The following DSN1 variants were observed in gnomAD, a reference collection of about 807,000 sequenced individuals.
DSN1 encodes DSN1 component of MIS12 kinetochore complex.
Under a neutral mutation model 45.7 loss-of-function variants are expected in DSN1, and 31 were observed. The observed-to-expected ratio is 0.68, with a 90% CI of 0.51 to 0.92. DSN1 has a LOEUF of 0.92. Ranked by LOEUF, DSN1 falls within the 40% of genes least tolerant of loss-of-function variation. DSN1 has a pLI of 0.00. For synonymous variants in DSN1, 134 were observed against 142.3 expected, an observed-to-expected ratio of 0.94 and a Z score of 0.41; for missense variants, 394 against 414.2, an observed-to-expected ratio of 0.95 and a Z score of 0.42.
At chr20:36,756,758 T>G (rs555039815) in intron 8 of DSN1, among the ~76,000 whole-genome samples, 30 of 151,744 alleles carry the variant, frequency 2.0e-4, no homozygotes, top group African/African-American at 7.3e-4. Flanking sequence ...GAACAGACAG[T>G]CTGCTTCCAG....
chr20:36,754,285 T>C (rs1410218607), intron 10 of DSN1, among the ~76,000 whole-genome samples: 1 of 151,974 alleles, frequency 6.6e-6, no homozygotes, highest in East Asian at 1.9e-4. Context: ...CAGTGAGCTG[T>C]GCAGTCATTG....
chr20:36,752,682 A>C lies in DSN1; in HGVS notation c.*106T>G, dbSNP rs1986436891. The C allele has an allele frequency of 1.1e-6, 1 of 871,010 alleles. No homozygotes were observed. The highest frequency in any genetic ancestry group is 1.9e-6 in the Non-Finnish European group (1 of 527,180). The allele number at this position is 871,010 out of a possible 1,614,324, so 54.0% of individuals were successfully genotyped here. ...AAAGTGTTCTACAGTCAGTCCTGCC[A>C]GTTATCTTCAAAGGCAACGAGCAGA... On this transcript the variant is annotated 3_prime_UTR_variant, in exon 11 of 11. Transcript: ENST00000373750.
chr20:36,753,661 A>AAAGAAAG (rs951536763), intron 10 of DSN1, among the ~76,000 whole-genome samples: 2 of 148,206 alleles, frequency 1.3e-5, no homozygotes, highest in Non-Finnish European at 1.5e-5. Flanking sequence ...AAAGAAAAAG[A>AAAGAAAG]AAGAAAGAAA....
At chr20:36,758,231 A>G in intron 7 of DSN1, 70 bp from the exon 8 acceptor site, 1 of 1,387,114 alleles carries the variant, frequency 7.2e-7, no homozygotes, top group Non-Finnish European at 1.0e-6. Flanking sequence ...CAGTAACAAT[A>G]AGTATGTGAG....
chr20:36,753,368 C>T (rs968389245), intron 10 of DSN1, among the ~76,000 whole-genome samples: 2 of 150,508 alleles, frequency 1.3e-5, no homozygotes, highest in South Asian at 4.2e-4. Context: ...GTGGCTCATG[C>T]CTGTAATCCC....
Position 36,770,368 on chromosome 20 carries a change from C to T in DSN1, c.355+505G>A, listed in dbSNP as rs1419557138. 3.3e-5 allele frequency among the ~76,000 whole-genome samples: 5 copies of T among 152,248 alleles called. No individual in the cohort carries two copies. In the East Asian group the frequency reaches 9.6e-4, roughly 29 times the overall value. On this transcript the variant is annotated intron_variant, in intron 3 of 10. Coordinates refer to ENST00000373750, the MANE Select transcript of DSN1 (RefSeq NM_001145315.2). ...CATGAGGCACCGTGCCTGGCCCACT[C>T]TAGATATTTGTATGTGCATCTTCCC...
At chr20:36,770,810 T>C in intron 3 of DSN1, 63 bp downstream of exon 3, 1 of 1,520,716 alleles carries the variant, frequency 6.6e-7, no homozygotes, top group Non-Finnish European at 8.8e-7. Flanking sequence ...GCCTCTTATC[T>C]GAGCTGGAAC....
intron 5 of DSN1, among the ~76,000 whole-genome samples, chr20:36,764,564 T>G (rs1987209300): frequency 6.6e-6 from 1 of 152,180 alleles, no homozygotes; most frequent in Admixed American, 6.6e-5. Flanking sequence ...ACTAGCTAAC[T>G]GCCTCGTAAT....
intron 8 of DSN1, among the ~76,000 whole-genome samples, chr20:36,756,990 T>G (rs908948151): frequency 6.6e-6 from 1 of 152,180 alleles, no homozygotes; most frequent in Non-Finnish European, 1.5e-5. Context: ...CATTTTGTAG[T>G]TGGGATTCTA....
chr20:36,753,941 G>C lies in DSN1; in HGVS notation c.961+822C>G, dbSNP rs1384417260. ...GAATCCCTTGAACCCGGGAAGCAGAGGTTGCAGTGAGCCGAGATCGCACCA... is the reference window on the plus strand; with the variant it reads ...GAATCCCTTGAACCCGGGAAGCAGACGTTGCAGTGAGCCGAGATCGCACCA... On this transcript the variant is annotated intron_variant, in intron 10 of 10. Coordinates refer to ENST00000373750, the MANE Select transcript of DSN1 (RefSeq NM_001145315.2). Among the ~76,000 whole-genome samples the C allele has an allele frequency of 3.9e-5, 6 of 152,070 alleles. No homozygotes were observed. In the South Asian group the frequency reaches 1.2e-3, roughly 32 times the overall value.
At chr20:36,767,084 T>A (rs1987381263) in intron 4 of DSN1, among the ~76,000 whole-genome samples, 1 of 151,166 alleles carries the variant, frequency 6.6e-6, no homozygotes, top group Non-Finnish European at 1.5e-5. Flanking sequence ...GACAGGCGGA[T>A]AATAAGGTCA....
At position 36,771,158 on chromosome 20, in the gene DSN1, G is replaced by A; in HGVS notation, c.70C>T (p.Gln24Ter). The A allele has an allele frequency of 6.2e-7, 1 of 1,613,542 alleles. No individual in the cohort carries two copies. The change falls in exon 3 of 11, where the codon CAA becomes TAA. Residue 24 changes from glutamine (Q) to a stop codon, truncating the protein, a stop_gained. Transcript: ENST00000373750. LOFTEE classifies it high-confidence loss of function. ...ACAGGACTGAGACTTGATTCCAATT[G>A]ATGATCATGAGTCTTAGACATCACT... ...GPVMSKTHDH[Q>*]LESSLSPVEV...
rs1022926901 is a variant in DSN1, at chr20:36,766,932, A to C, written c.430-91T>G. The C allele has an allele frequency of 3.8e-5, 31 of 819,440 alleles. No individual in the cohort carries two copies. The African/African-American group carries it at 4.6e-4, about 12-fold the overall frequency. The allele number at this position is 819,440 out of a possible 1,614,324, so 50.8% of individuals were successfully genotyped here. ...CATTTTATGATGTTTAATAAATATG[A>C]AACTAAATACTAAATATGATGTAAT... is the stretch of plus-strand genomic sequence containing the variant. On this transcript the variant is annotated intron_variant, in intron 4 of 10. Transcript: ENST00000373750.
At chr20:36,754,893 T>C (rs1986592442) in intron 9 of DSN1, 43 bp from the exon 10 acceptor site, 5 of 1,552,976 alleles carry the variant, frequency 3.2e-6, no homozygotes, top group Non-Finnish European at 4.4e-6. Context: ...GTCCATGGCT[T>C]CTTGGATGTT....
rs1240467314 is a variant in DSN1, at chr20:36,755,827, C to T, written c.728G>A (p.Gly243Glu). ...QQEAKEILSR[G>E]STEAKITEVK... ...CTCAGTAATTTTGGCCTCAGTTGAT[C>T]CTCTAAAAACAAAACACAAGAGCTT... Residue 243 changes from glycine to glutamate, a missense_variant and splice_region_variant, in exon 9 of 11, where the codon GGA becomes GAA. Gly to Glu is a moderately conservative substitution (Grantham distance 98). Coordinates refer to ENST00000373750, the MANE Select transcript of DSN1 (RefSeq NM_001145315.2). 1 of 1,604,484 alleles carries T rather than the reference C, an allele frequency of 6.2e-7. No individual in the cohort carries two copies. Among genetic ancestry groups the T allele is most frequent in the East Asian group, 2.2e-5 (1 of 44,840 alleles).
chr20:36,752,702 A>G lies in DSN1; in HGVS notation c.*86T>C. The G allele has an allele frequency of 1.9e-6, 2 of 1,079,480 alleles. No individual in the cohort carries two copies. Among genetic ancestry groups the G allele is most frequent in the Non-Finnish European group, 2.8e-6 (2 of 706,540 alleles). The allele number at this position is 1,079,480 out of a possible 1,614,324, so 66.9% of individuals were successfully genotyped here. ...CTGCCAGTTATCTTCAAAGGCAACGAGCAGAAATCACGCAGTCACCACGTG... is the reference window on the plus strand; with the variant it reads ...CTGCCAGTTATCTTCAAAGGCAACGGGCAGAAATCACGCAGTCACCACGTG... On this transcript the variant is annotated 3_prime_UTR_variant, in exon 11 of 11. Transcript: ENST00000373750.
rs1987368422 is a variant in DSN1, at chr20:36,766,855, A to C, written c.430-14T>G. 6.3e-7 allele frequency: 1 copy of C among 1,578,562 alleles called. No individual in the cohort carries two copies. Among genetic ancestry groups the C allele is most frequent in the Non-Finnish European group, 8.6e-7 (1 of 1,165,716 alleles). ...CTGAATAGAGAACTAAATAAAGAAA[A>C]GCATTTTTAGTACAACCACCAAAAA... On this transcript the variant is annotated splice_polypyrimidine_tract_variant and intron_variant, in intron 4 of 10. Coordinates refer to ENST00000373750, the MANE Select transcript of DSN1 (RefSeq NM_001145315.2).
Position 36,754,849 on chromosome 20 carries a change from A to G in DSN1, c.875T>C (p.Met292Thr). ...TTTCACTGATCCTTGCAGTTCATCC[A>G]TCTGTAGAAAAAAGACAGCTGTGAG... ...SKVFDCMELV[M>T]DELQGSVKQL... The change falls in exon 10 of 11, where the codon ATG (methionine) becomes ACG (threonine). Residue 292 changes from methionine to threonine, a missense_variant and splice_region_variant. Transcript: ENST00000373750. 3 of 1,613,710 alleles carry G rather than the reference A, an allele frequency of 1.9e-6. No homozygotes were observed. Among genetic ancestry groups the G allele is most frequent in the Non-Finnish European group, 2.5e-6 (3 of 1,179,754 alleles).
chr20:36,767,583 T>G (rs1180731055), intron 4 of DSN1, among the ~76,000 whole-genome samples: 1 of 151,588 alleles, frequency 6.6e-6, no homozygotes, highest in Non-Finnish European at 1.5e-5. Flanking sequence ...CTGGGCAACA[T>G]GGTGAAACCC....
Sources: allele counts gnomAD v4.1 joint callset (sites outside exome capture counted in the v4.1 genomes callset), GRCh38; gene constraint gnomAD v4.1.1; transcripts MANE v1.5; gene names NCBI Gene and HGNC (gene_info 2026-07-23, HGNC 2026-07-21).